The following NRG1 variants were observed in gnomAD, a reference collection of about 807,000 sequenced individuals.
NRG1 encodes the protein neuregulin 1, also known as pro-neuregulin-1, membrane-bound isoform.
In NRG1, 18 loss-of-function variants were observed where a neutral mutation model predicts 63.8. The ratio of observed to expected loss-of-function variants is 0.28; its 90% CI spans 0.19 to 0.42. NRG1 has a LOEUF of 0.42. NRG1 is among the 10% of genes least tolerant of loss of function. The pLI is 1.00. For synonymous variants in NRG1, 302 were observed against 301.3 expected, an observed-to-expected ratio of 1.00 and a Z score of -0.02; for missense variants, 762 against 814.7, an observed-to-expected ratio of 0.94 and a Z score of 0.79.
intron 1 of NRG1, among the ~76,000 whole-genome samples, chr8:32,335,601 A>G (rs541868716): frequency 6.6e-6 from 1 of 152,354 alleles, no homozygotes; most frequent in East Asian, 1.9e-4. Context: ...AGTACTGGAA[A>G]ACAAGTAATA....
intron 1 of NRG1, among the ~76,000 whole-genome samples, chr8:32,358,161 A>G (rs1303399516): frequency 6.6e-6 from 1 of 152,126 alleles, no homozygotes; most frequent in Non-Finnish European, 1.5e-5. Flanking sequence ...CTGGAGCTAC[A>G]GCAGCAATCC....
At chr8:32,329,000 A>C (rs772025377) in intron 1 of NRG1, among the ~76,000 whole-genome samples, 1 of 150,154 alleles carries the variant, frequency 6.7e-6, no homozygotes, top group Non-Finnish European at 1.5e-5. Flanking sequence ...ACAATGTCTC[A>C]CTCTGTCACC....
At chr8:32,712,461 C>G (rs1048727247) in intron 5 of NRG1, among the ~76,000 whole-genome samples, 1 of 152,086 alleles carries the variant, frequency 6.6e-6, no homozygotes, top group African/African-American at 2.4e-5. Context: ...TATTTGGCAG[C>G]AACTGCGCAT....
At chr8:31,663,064 C>T (rs1258304411) in intron 1 of NRG1, among the ~76,000 whole-genome samples, 2 of 152,110 alleles carry the variant, frequency 1.3e-5, no homozygotes, top group African/African-American at 2.4e-5. Context: ...GTGCTCACTG[C>T]GTGGATGGAA....
chr8:32,433,297 C>T (rs571817433), intron 1 of NRG1, among the ~76,000 whole-genome samples: 27 of 152,196 alleles, frequency 1.8e-4, no homozygotes, highest in Admixed American at 9.2e-4. Context: ...CTTCGACACC[C>T]TCCAGTTAGC....
chr8:31,813,551 T>G (rs545693717), intron 1 of NRG1, among the ~76,000 whole-genome samples: 7 of 139,612 alleles, frequency 5.0e-5, no homozygotes, highest in Non-Finnish European at 9.6e-5. Context: ...GAGACAGGTC[T>G]CCCTCTGTCT....
At chr8:32,721,313 A>G (rs1820571957) in intron 5 of NRG1, among the ~76,000 whole-genome samples, 1 of 152,310 alleles carries the variant, frequency 6.6e-6, no homozygotes, top group East Asian at 1.9e-4. Flanking sequence ...CCAAAGCCCA[A>G]GTTCATCAGT....
chr8:31,830,201 A>C (rs977157069), intron 1 of NRG1, among the ~76,000 whole-genome samples: 1 of 152,192 alleles, frequency 6.6e-6, no homozygotes, highest in African/African-American at 2.4e-5. Flanking sequence ...ATAAATAAAC[A>C]CAAGGGAATG....
chr8:31,881,064 T>C (rs1225228326), intron 1 of NRG1, among the ~76,000 whole-genome samples: 1 of 152,200 alleles, frequency 6.6e-6, no homozygotes, highest in Non-Finnish European at 1.5e-5. Flanking sequence ...TTCATTCATT[T>C]ATTCAACATT....
intron 1 of NRG1, among the ~76,000 whole-genome samples, chr8:32,322,873 T>TTC (rs1801579992): frequency 1.3e-5 from 2 of 151,536 alleles, no homozygotes; most frequent in Non-Finnish European, 2.9e-5. Context: ...TTTTTTTTTT[T>TTC]TCATACTTAT....
chr8:31,831,853 A>G (rs1024887887), intron 1 of NRG1, among the ~76,000 whole-genome samples: 2 of 152,178 alleles, frequency 1.3e-5, no homozygotes, highest in African/African-American at 4.8e-5. Context: ...GAGACCACCT[A>G]GACTCCAATC....
intron 1 of NRG1, among the ~76,000 whole-genome samples, chr8:31,932,229 A>T (rs1363670815): frequency 1.3e-5 from 2 of 152,198 alleles, no homozygotes; most frequent in African/African-American, 4.8e-5. Flanking sequence ...ATGCTTCGTA[A>T]ATAATGGCAT....
chr8:31,949,452 G>T (rs1312507258), intron 1 of NRG1, among the ~76,000 whole-genome samples: 1 of 152,084 alleles, frequency 6.6e-6, no homozygotes, highest in Non-Finnish European at 1.5e-5. Context: ...ATTAAACAGG[G>T]TCATCAATTC....
chr8:31,876,519 G>A (rs1339705019), intron 1 of NRG1, among the ~76,000 whole-genome samples: 1 of 152,074 alleles, frequency 6.6e-6, no homozygotes, highest in Non-Finnish European at 1.5e-5. Flanking sequence ...AAGTTTGCTG[G>A]TTGAGAGAGT....
intron 1 of NRG1, among the ~76,000 whole-genome samples, chr8:31,715,627 T>A (rs1449082546): frequency 6.6e-6 from 1 of 152,206 alleles, no homozygotes; most frequent in Non-Finnish European, 1.5e-5. Context: ...GTCAAGATTT[T>A]AAAAAATCAT....
At chr8:32,206,605 C>T (rs535003805) in intron 1 of NRG1, among the ~76,000 whole-genome samples, 2 of 152,294 alleles carry the variant, frequency 1.3e-5, no homozygotes, top group African/African-American at 2.4e-5. Flanking sequence ...CATTTGAAAT[C>T]TTCATTATCA....
intron 1 of NRG1, among the ~76,000 whole-genome samples, chr8:32,217,516 T>C (rs1845370646): frequency 6.6e-6 from 1 of 152,164 alleles, no homozygotes; most frequent in African/African-American, 2.4e-5. Context: ...TTCTCTTCCA[T>C]CTACTGCAAG....
At chr8:32,508,258 T>A (rs983153089) in intron 1 of NRG1, among the ~76,000 whole-genome samples, 5 of 150,556 alleles carry the variant, frequency 3.3e-5, no homozygotes, top group African/African-American at 1.2e-4. Flanking sequence ...ATCTATAATA[T>A]GTTCTGCTGT....
chr8:32,525,040 C>T (rs776767808), intron 1 of NRG1, among the ~76,000 whole-genome samples: 5 of 152,136 alleles, frequency 3.3e-5, no homozygotes, highest in African/African-American at 9.7e-5. Context: ...GCCGATTTAC[C>T]GCTGAAACCT....
Sources: gnomAD v4.1 joint callset for allele counts (sites outside exome capture counted in the v4.1 genomes callset) on GRCh38, gnomAD v4.1.1 for gene constraint, MANE v1.5 for transcripts, NCBI Gene and HGNC (gene_info 2026-07-23, HGNC 2026-07-21) for gene names.